HIPK3: variants seen among roughly 807,000 people sequenced by gnomAD.
HIPK3 encodes homeodomain interacting protein kinase 3.
In HIPK3, 47 loss-of-function variants were observed where a neutral mutation model predicts 124.2. The ratio of observed to expected loss-of-function variants is 0.38; its 90% confidence interval spans 0.30 to 0.48. The LOEUF is 0.48. Among genes scored for constraint, HIPK3 ranks in the 20% least tolerant of loss-of-function variants. HIPK3 has a pLI of 0.98. For synonymous variants in HIPK3, 482 were observed against 515.2 expected (o/e 0.94, Z 0.87); for missense variants, 1,286 against 1,454.3 (o/e 0.88, Z 1.88).
intron 2 of HIPK3, among the ~76,000 whole-genome samples, chr11:33,318,566 C>T (rs773248802): frequency 7.2e-5 from 11 of 152,152 alleles, no homozygotes; most frequent in Non-Finnish European, 1.5e-4. Context: ...ATGCTTAGAA[C>T]ATTGCTTGGT....
Position 33,339,419 on chromosome 11 carries a change from A to G in HIPK3, c.1498A>G (p.Ser500Gly). 1 of 1,613,500 alleles carries G rather than the reference A, an allele frequency of 6.2e-7. No homozygotes were observed. The highest frequency in any genetic ancestry group is 8.5e-7 in the Non-Finnish European group (1 of 1,179,478). Residue 500 changes from serine to glycine, a missense_variant, in exon 6 of 17, where the codon AGT becomes GGT. Transcript: ENST00000303296. Reference sequence around the variant, plus strand: ...GAAAGCTGATAGAAGAGAATTTGTTAGTCTGTTGAAGAAAATGTTGCTGAT... The same window carrying G: ...GAAAGCTGATAGAAGAGAATTTGTTGGTCTGTTGAAGAAAATGTTGCTGAT... ...AEKADRREFV[S>G]LLKKMLLIDA... is the part of the protein sequence containing the mutation.
At chr11:33,279,134 C>G (rs1467916546) in intron 1 of HIPK3, among the ~76,000 whole-genome samples, 1 of 151,726 alleles carries the variant, frequency 6.6e-6, no homozygotes, top group Non-Finnish European at 1.5e-5. Context: ...GCCAACATGG[C>G]GAAACCCCAT....
At chr11:33,281,605 A>G (rs1449160685) in intron 1 of HIPK3, among the ~76,000 whole-genome samples, 1 of 152,246 alleles carries the variant, frequency 6.6e-6, no homozygotes, top group Non-Finnish European at 1.5e-5. Context: ...CTCTTCACCA[A>G]GGCAAAGAAA....
At position 33,287,270 on chromosome 11, in the gene HIPK3, C is replaced by G; in HGVS notation, c.856C>G (p.Leu286Val). 6.2e-7 allele frequency: 1 copy of G among 1,614,036 alleles called. No homozygotes were observed. Among genetic ancestry groups the G allele is most frequent in the Non-Finnish European group, 8.5e-7 (1 of 1,180,004 alleles). ...GCTGGAACAAAACTTGTATGACTTT[C>G]TGAAACAAAATAAATTTAGTCCCCT... ...EMLEQNLYDFLKQNKFSPLPL... is the reference protein window; with the variant it reads ...EMLEQNLYDFVKQNKFSPLPL... Residue 286 changes from leucine to valine, a missense_variant, in exon 2 of 17, where the codon CTG becomes GTG. Around this residue, in one of 3 missense-constraint regions of HIPK3, gnomAD observed 251 missense variants for 349.1 expected, o/e 0.72. Transcript: ENST00000303296.
At chr11:33,259,787 C>A (rs1322567378) in intron 1 of HIPK3, among the ~76,000 whole-genome samples, 1 of 138,792 alleles carries the variant, frequency 7.2e-6, no homozygotes, top group Admixed American at 7.4e-5. Context: ...TTAATCCCCC[C>A]CTCTGCCTCC....
intron 4 of HIPK3, among the ~76,000 whole-genome samples, chr11:33,337,588 T>TTGTGATCCGCCTGCCTTGG: frequency 6.6e-6 from 1 of 151,780 alleles, no homozygotes; most frequent in Middle Eastern, 3.4e-3. Flanking sequence ...ACTCCTGACC[T>TTGTGATCCGCCTGCCTTGG]CAAGAGAACT....
intron 1 of HIPK3, among the ~76,000 whole-genome samples, chr11:33,264,794 G>C (rs933175949): frequency 6.6e-6 from 1 of 152,102 alleles, no homozygotes; most frequent in Non-Finnish European, 1.5e-5. Context: ...TAGTGAACTT[G>C]AAAACATTTG....
In HIPK3 at chr11:33,287,099, A is replaced by C. The variant is rs1362190483; in HGVS notation, c.685A>C (p.Lys229Gln). The change falls in exon 2 of 17, where the codon AAG becomes CAG. Residue 229 changes from lysine (K) to glutamine (Q), a missense_variant. Transcript: ENST00000303296. ...TGAAATTGTAGCAATCAAAATTTTG[A>C]AGAATCATCCTTCTTATGCCCGTCA... ...TNEIVAIKIL[K>Q]NHPSYARQGQ... 6.2e-7 allele frequency: 1 copy of C among 1,614,088 alleles called. No homozygotes were observed. The highest frequency in any genetic ancestry group is 8.5e-7 in the Non-Finnish European group (1 of 1,180,046).
chr11:33,354,700 G>GTTTTTT lies in HIPK3; in HGVS notation c.*1141_*1146dup, dbSNP rs11429812. 10 of 143,314 alleles carry GTTTTTT rather than the reference G, an allele frequency of 7.0e-5. No individual in the cohort carries two copies. The highest frequency in any genetic ancestry group is 2.6e-4 in the African/African-American group (10 of 38,794). The allele number at this position is 143,314 out of a possible 1,614,324, so 8.9% of individuals were successfully genotyped here. A position where few individuals can be genotyped will look rare whatever the true frequency, so the allele number is the denominator to read the frequency against. ...ATTTTTGATTTATGCATGTGAGAGG[G>GTTTTTT]TTTTTTTTTTTTTTAAGTATTTTTA... On this transcript the variant is annotated 3_prime_UTR_variant, in exon 17 of 17. Transcript: ENST00000303296.
Position 33,287,250 on chromosome 11 carries a change from A to C in HIPK3, c.836A>C (p.Glu279Ala), listed in dbSNP as rs1293072258. The C allele has an allele frequency of 2.2e-5, 35 of 1,614,134 alleles. No individual in the cohort carries two copies. Among genetic ancestry groups the C allele is most frequent in the Non-Finnish European group, 3.0e-5 (35 of 1,180,026 alleles). Residue 279 changes from glutamate to alanine, a missense_variant, in exon 2 of 17, where the codon GAA becomes GCA. Coordinates refer to ENST00000303296, the MANE Select transcript of HIPK3 (RefSeq NM_005734.5). The part of the protein sequence containing the change: ...NHTCLVFEML[E>A]QNLYDFLKQN... The stretch of plus-strand genomic sequence containing the variant: ...ACTTGTTTAGTCTTTGAGATGCTGG[A>C]ACAAAACTTGTATGACTTTCTGAAA...
At chr11:33,279,530 A>G (rs1223227572) in intron 1 of HIPK3, among the ~76,000 whole-genome samples, 1 of 152,092 alleles carries the variant, frequency 6.6e-6, no homozygotes, top group Non-Finnish European at 1.5e-5. Context: ...ACAGCCCACT[A>G]TGGTTAGCAA....
intron 1 of HIPK3, among the ~76,000 whole-genome samples, chr11:33,263,059 G>T (rs905298048): frequency 6.6e-6 from 1 of 152,052 alleles, no homozygotes; most frequent in African/African-American, 2.4e-5. Context: ...TTGTAGAGAC[G>T]GGGTTGTGCT....
chr11:33,331,719 G>A (rs905845594), intron 3 of HIPK3, among the ~76,000 whole-genome samples: 4 of 152,104 alleles, frequency 2.6e-5, no homozygotes, highest in African/African-American at 9.7e-5. Context: ...CCTTACAGTG[G>A]CAGTGCAGTG....
rs1850708459 is a variant in HIPK3 at position 33,257,877 on chromosome 11, G to A, written c.-15G>A. 1 of 985,472 alleles carries A rather than the reference G, an allele frequency of 1.0e-6. No homozygotes were observed. The highest frequency in any genetic ancestry group is 1.2e-6 in the Non-Finnish European group (1 of 830,114). 61.0% of individuals were successfully genotyped at this position (985,472 alleles called of 1,614,324 possible). ...GGCCGCCCGAAGAGGAGAGAGCGCG[G>A]GCCTCTAGGAAGGTAAGGGAGTCGA... On this transcript the variant is annotated 5_prime_UTR_variant, in exon 1 of 17. Transcript: ENST00000303296.
At chr11:33,326,035 C>T (rs1368101733) in intron 2 of HIPK3, among the ~76,000 whole-genome samples, 1 of 142,938 alleles carries the variant, frequency 7.0e-6, no homozygotes, top group Non-Finnish European at 1.6e-5. Context: ...TCTACTGAAT[C>T]TTAAGTATTA....
rs1466911827 is a variant in HIPK3, at chr11:33,355,193, A to T, written c.*1625A>T. On this transcript the variant is annotated 3_prime_UTR_variant, in exon 17 of 17. Coordinates refer to ENST00000303296, the MANE Select transcript of HIPK3 (RefSeq NM_005734.5). Reference sequence around the variant, plus strand: ...TATAAGTCTAATTACATGAATAGAAATTGGGGTTTTGATTTTTTACTTTGC... The same window carrying T: ...TATAAGTCTAATTACATGAATAGAATTTGGGGTTTTGATTTTTTACTTTGC... 2 of 152,068 alleles carry T rather than the reference A, an allele frequency of 1.3e-5. No individual in the cohort carries two copies. The allele number at this position is 152,068 out of a possible 1,614,324, so 9.4% of individuals were successfully genotyped here.
At chr11:33,304,305 C>A (rs1401421233) in intron 2 of HIPK3, among the ~76,000 whole-genome samples, 1 of 152,166 alleles carries the variant, frequency 6.6e-6, no homozygotes, top group Non-Finnish European at 1.5e-5. Flanking sequence ...TGCCTGTAAT[C>A]CCAGCACTTT....
chr11:33,307,353 C>T (rs1184155726), intron 2 of HIPK3, among the ~76,000 whole-genome samples: 4 of 151,362 alleles, frequency 2.6e-5, no homozygotes, highest in Middle Eastern at 3.5e-3. Context: ...CTTATATAAC[C>T]ACTACCCAAG....
intron 1 of HIPK3, among the ~76,000 whole-genome samples, chr11:33,276,460 CTT>C (rs911708935): frequency 2.0e-5 from 3 of 152,122 alleles, no homozygotes; most frequent in East Asian, 3.9e-4. Flanking sequence ...TATGAAATAA[CTT>C]TTGGATATTC....
Sources: allele counts gnomAD v4.1 joint callset (sites outside exome capture counted in the v4.1 genomes callset), GRCh38; gene constraint gnomAD v4.1.1; regional missense constraint gnomAD v4.1.1; transcripts MANE v1.5; gene names NCBI Gene and HGNC (gene_info 2026-07-23, HGNC 2026-07-21).